CCDC3: variants seen among roughly 807,000 people sequenced by gnomAD.
The protein encoded by CCDC3 is coiled-coil domain containing 3.
A neutral mutation model predicts 21.4 loss-of-function variants in CCDC3; 24 were observed. The observed-to-expected ratio is 1.12, with a 90% confidence interval of 0.81 to 1.58. The LOEUF (loss-of-function observed/expected upper bound fraction) is 1.58, where lower values mean the gene tolerates loss of function less well. Among genes scored for constraint, CCDC3 ranks in the 40% most tolerant of loss-of-function variants. The pLI is 0.00. For missense variants in CCDC3, 425 were observed against 360.9 expected (o/e 1.18, Z -1.44); for synonymous variants, 186 against 166.0 (o/e 1.12, Z -0.93).
intron 2 of CCDC3, among the ~76,000 whole-genome samples, chr10:12,915,780 T>A (rs1231481035): frequency 1.3e-5 from 2 of 152,184 alleles, no homozygotes; most frequent in African/African-American, 4.8e-5. Flanking sequence ...AAGCCTAGGT[T>A]CACAGAAACT....
At chr10:13,090,657 T>C (rs1164731860) in intron 3 of CCDC3, among the ~76,000 whole-genome samples, 1 of 152,178 alleles carries the variant, frequency 6.6e-6, no homozygotes, top group Non-Finnish European at 1.5e-5. Flanking sequence ...GGGTTTCTCA[T>C]CTGCTAGGGT....
intron 2 of CCDC3, among the ~76,000 whole-genome samples, chr10:12,928,745 T>C (rs974872774): frequency 1.3e-5 from 2 of 152,174 alleles, no homozygotes; most frequent in Admixed American, 6.5e-5. Flanking sequence ...GTGTGAAGTA[T>C]CTGTTCTTGG....
intron 2 of CCDC3, among the ~76,000 whole-genome samples, chr10:12,971,078 G>C (rs1334184382): frequency 6.6e-6 from 1 of 152,162 alleles, no homozygotes; most frequent in African/African-American, 2.4e-5. Flanking sequence ...ATTTTGAAGG[G>C]AAGAAAAGCC....
intron 2 of CCDC3, among the ~76,000 whole-genome samples, chr10:12,903,431 A>T (rs59281598): frequency 0.02 from 3,040 of 152,346 alleles, 106 homozygotes; most frequent in African/African-American, 0.069. Context: ...AAAGAAAAAA[A>T]GGTCCAGATA....
At chr10:12,984,504 T>C (rs952634265) in intron 2 of CCDC3, among the ~76,000 whole-genome samples, 4 of 152,226 alleles carry the variant, frequency 2.6e-5, no homozygotes, top group Non-Finnish European at 5.9e-5. Context: ...TGGCTGCTCC[T>C]GCAAAGGCTA....
chr10:12,916,600 A>G (rs1217949239), intron 2 of CCDC3, among the ~76,000 whole-genome samples: 1 of 142,182 alleles, frequency 7.0e-6, no homozygotes, highest in Non-Finnish European at 1.5e-5. Context: ...AGCCTGGGTG[A>G]CAGAGAGAGA....
At chr10:12,997,305 G>A (rs1835776726) in intron 2 of CCDC3, among the ~76,000 whole-genome samples, 1 of 151,838 alleles carries the variant, frequency 6.6e-6, no homozygotes, top group Non-Finnish European at 1.5e-5. Flanking sequence ...CTCCAGCAGT[G>A]TGTCACATTG....
intron 2 of CCDC3, among the ~76,000 whole-genome samples, chr10:12,911,280 T>TA (rs530467769): frequency 0.011 from 1,687 of 152,284 alleles, 23 homozygotes; most frequent in Middle Eastern, 0.017. Context: ...TCCACTAGAC[T>TA]AAAAAACGGG....
In CCDC3 at chr10:12,907,679, T is replaced by C. The variant is rs146069662; in HGVS notation, c.550-9000A>G. 2.6e-5 allele frequency among the ~76,000 whole-genome samples: 4 copies of C among 152,226 alleles called. No homozygotes were observed. The East Asian group carries it at 7.7e-4, about 29-fold the overall frequency. On this transcript the variant is annotated intron_variant, in intron 2 of 2. Transcript: ENST00000378825. ...AAAAAAGAAGATTAGTTTTGACGAT[T>C]TGTTCTGGTAAGATCTGGGAGCTGG...
chr10:13,094,681 T>C (rs920963564), intron 3 of CCDC3, among the ~76,000 whole-genome samples: 1 of 151,772 alleles, frequency 6.6e-6, no homozygotes, highest in Non-Finnish European at 1.5e-5. Context: ...CTGGGCAACA[T>C]GGTGAAACCC....
chr10:13,014,492 A>C (rs1836026608), intron 5 of CCDC3, among the ~76,000 whole-genome samples: 1 of 151,236 alleles, frequency 6.6e-6, no homozygotes, highest in South Asian at 2.1e-4. Flanking sequence ...GAAAAGAAAG[A>C]GAGAAAGGCA....
At chr10:13,089,407 A>T (rs2131453636) in intron 3 of CCDC3, among the ~76,000 whole-genome samples, 1 of 152,222 alleles carries the variant, frequency 6.6e-6, no homozygotes, top group Middle Eastern at 3.4e-3. Flanking sequence ...AGTTGCTGGG[A>T]CTATTGTCCC....
Position 13,040,689 on chromosome 10 carries a change from A to ACG in CCDC3, c.-2+8984_-2+8985insCG, listed in dbSNP as rs1319868780. On this transcript the variant is annotated intron_variant, in intron 5 of 6. Transcript: ENST00000378839. ...TGGGCAACAAGAGCAAAACTCTGTC[A>ACG]CACACACACACACACACACACACAC... Among the ~76,000 whole-genome samples, 233 of 44,558 alleles carry ACG rather than the reference A, an allele frequency of 5.2e-3. 1 individual carries two copies. Among genetic ancestry groups the ACG allele is most frequent in the Middle Eastern group, 0.011 (1 of 90 alleles). 29.2% of individuals were successfully genotyped at this position (44,558 alleles called of 152,430 possible).
Position 12,932,981 on chromosome 10 carries a change from A to C in CCDC3, c.550-34302T>G, listed in dbSNP as rs150020885. Among the ~76,000 whole-genome samples the C allele has an allele frequency of 3.2e-3, 493 of 152,290 alleles. 3 individuals are homozygous for C. Among genetic ancestry groups the C allele is most frequent in the African/African-American group, 0.011 (466 of 41,564 alleles). On this transcript the variant is annotated intron_variant, in intron 2 of 2. Coordinates refer to ENST00000378825, the MANE Select transcript of CCDC3 (RefSeq NM_031455.4). ...GCATTAATTGATTTTTGGATGTTGA[A>C]CCAGCTTTGCATACCCAGTTTAAAT... is the stretch of plus-strand genomic sequence containing the variant.
intron 5 of CCDC3, among the ~76,000 whole-genome samples, chr10:13,014,473 A>AG (rs1257243492): frequency 6.6e-6 from 1 of 150,532 alleles, no homozygotes; most frequent in Non-Finnish European, 1.5e-5. Context: ...AAAAAAAAGA[A>AG]AAAAAAAAGA....
chr10:13,000,597 C>T (rs1164134916), intron 1 of CCDC3, among the ~76,000 whole-genome samples: 1 of 152,116 alleles, frequency 6.6e-6, no homozygotes, highest in Non-Finnish European at 1.5e-5. Context: ...GAAGCAATCC[C>T]GGGCTACATT....
chr10:13,098,152 G>C (rs1261312220), intron 3 of CCDC3, among the ~76,000 whole-genome samples: 1 of 151,984 alleles, frequency 6.6e-6, no homozygotes, highest in Admixed American at 6.6e-5. Flanking sequence ...CCACCACTGA[G>C]AGCAAGGAAT....
intron 3 of CCDC3, among the ~76,000 whole-genome samples, chr10:13,075,100 T>A (rs183783786): frequency 6.6e-6 from 1 of 152,206 alleles, no homozygotes; most frequent in African/African-American, 2.4e-5. Flanking sequence ...GATGAACGAA[T>A]GGTTTCCCAC....
intron 5 of CCDC3, among the ~76,000 whole-genome samples, chr10:13,022,708 C>T (rs1391882489): frequency 2.0e-5 from 3 of 152,178 alleles, no homozygotes; most frequent in Admixed American, 6.5e-5. Context: ...TTTTTAAAAA[C>T]TGACCATTTA....
Sources: gnomAD v4.1 joint callset for allele counts (sites outside exome capture counted in the v4.1 genomes callset) on GRCh38, gnomAD v4.1.1 for gene constraint, MANE v1.5 for transcripts, NCBI Gene and HGNC (gene_info 2026-07-23, HGNC 2026-07-21) for gene names.